Variants in NUP153 observed in about 807,000 individuals in gnomAD.
NUP153 encodes the protein nucleoporin 153, also known as nuclear pore complex protein Nup153.
A neutral mutation model predicts 134.6 loss-of-function variants in NUP153; 27 were observed. The observed-to-expected ratio is 0.20, with a 90% CI of 0.15 to 0.28. The LOEUF (loss-of-function observed/expected upper bound fraction) is 0.28. Among genes scored for constraint, NUP153 ranks in the 10% least tolerant of loss-of-function variants. The pLI is 1.00. For missense variants in NUP153, 1,821 were observed against 1,731.3 expected (o/e 1.05, Z -0.92); for synonymous variants, 640 against 623.5 (o/e 1.03, Z -0.40).
Position 17,635,104 on chromosome 6 carries a change from CTTTTTTTTTTTT to C in NUP153, c.2464+2037_2464+2048del, listed in dbSNP as rs59700511. The stretch of plus-strand genomic sequence containing the variant: ...CCACAGGTTGCACAGCTTGGCTTAT[CTTTTTTTTTTTT>C]TTTTTTTTTTTGAGACGGAGTCTCG... On this transcript the variant is annotated intron_variant, in intron 16 of 21. Coordinates refer to ENST00000262077, the MANE Select transcript of NUP153 (RefSeq NM_005124.4). Among the ~76,000 whole-genome samples, 38 of 104,262 alleles carry C rather than the reference CTTTTTTTTTTTT, an allele frequency of 3.6e-4. No homozygotes were observed. In the South Asian group the frequency reaches 0.011, roughly 31 times the overall value. 68.4% of individuals were successfully genotyped at this position (104,262 alleles called of 152,430 possible).
In NUP153 at chr6:17,631,987, C is replaced by T. The variant is rs182085527; in HGVS notation, c.2659+663G>A. On this transcript the variant is annotated intron_variant, in intron 17 of 21. Transcript: ENST00000262077. ...TCTCAAAAAAAACACAAAAATCTGGCCTCCAGTTAGTTTAGGATTAATTAC... is the reference window on the plus strand; with the variant it reads ...TCTCAAAAAAAACACAAAAATCTGGTCTCCAGTTAGTTTAGGATTAATTAC... Among the ~76,000 whole-genome samples the T allele has an allele frequency of 3.2e-3, 479 of 151,730 alleles. 3 individuals carry two copies. The highest frequency in any genetic ancestry group is 5.6e-3 in the Non-Finnish European group (380 of 67,914).
chr6:17,639,351 T>A (rs1487183285), intron 15 of NUP153, among the ~76,000 whole-genome samples: 1 of 152,126 alleles, frequency 6.6e-6, no homozygotes, highest in Non-Finnish European at 1.5e-5. Flanking sequence ...AGTGCTGGGA[T>A]TACAAGGGTG....
rs1405203300 is a variant in NUP153 at position 17,638,896 on chromosome 6, T to C, written c.1846+1043A>G. On this transcript the variant is annotated intron_variant, in intron 15 of 21. Coordinates refer to ENST00000262077, the MANE Select transcript of NUP153 (RefSeq NM_005124.4). The surrounding 1 kb of genome is among the most constrained non-coding windows in gnomAD (Gnocchi z 4.0). The stretch of plus-strand genomic sequence containing the variant: ...GACTCCTGTAGGCAGTATACTTATC[T>C]ATAAAATGAGAGAGCTGGACCAGAA... 6.6e-6 allele frequency among the ~76,000 whole-genome samples: 1 copy of C among 152,202 alleles called. No individual in the cohort carries two copies.
chr6:17,661,626 C>T, intron 11 of NUP153, 27 bp downstream of exon 11: 1 of 1,599,910 alleles, frequency 6.3e-7, no homozygotes, highest in Non-Finnish European at 8.5e-7. Flanking sequence ...AAATAAACCT[C>T]AAGAGTATAT....
chr6:17,639,934 C>T lies in NUP153; in HGVS notation c.1846+5G>A, dbSNP rs1765748859. On this transcript the variant is annotated splice_donor_5th_base_variant and intron_variant, in intron 15 of 21. Coordinates refer to ENST00000262077, the MANE Select transcript of NUP153 (RefSeq NM_005124.4). ...ATCAAAAGGCTTATCTTTTAATTAT[C>T]TTACCAGGGCTTTTCAGAATATCTA... is the stretch of plus-strand genomic sequence containing the variant. The T allele has an allele frequency of 1.3e-6, 2 of 1,594,130 alleles. No homozygotes were observed. The highest frequency in any genetic ancestry group is 8.5e-7 in the Non-Finnish European group (1 of 1,174,112).
At chr6:17,643,674 A>G (rs979340269) in intron 14 of NUP153, among the ~76,000 whole-genome samples, 9 of 152,198 alleles carry the variant, frequency 5.9e-5, no homozygotes, top group African/African-American at 2.2e-4. Context: ...TCACAAAGTA[A>G]TCATGACTTC....
chr6:17,698,460 C>T (rs1435956826), intron 1 of NUP153, among the ~76,000 whole-genome samples: 7 of 152,002 alleles, frequency 4.6e-5, no homozygotes, highest in Middle Eastern at 3.2e-3. Flanking sequence ...TGGGAGCAGC[C>T]GGGCGTGGTG....
chr6:17,701,082 G>A (rs893371932), intron 1 of NUP153, among the ~76,000 whole-genome samples: 1 of 152,098 alleles, frequency 6.6e-6, no homozygotes, highest in Admixed American at 6.6e-5. Context: ...AAAATTAGCT[G>A]GGAGTGGTGG....
intron 20 of NUP153, among the ~76,000 whole-genome samples, chr6:17,623,417 C>A (rs1244221441): frequency 2.1e-5 from 3 of 141,610 alleles, no homozygotes; most frequent in Non-Finnish European, 4.6e-5. Context: ...TCAAATAGAA[C>A]CCACATATAA....
intron 1 of NUP153, among the ~76,000 whole-genome samples, chr6:17,694,155 A>C (rs1178949551): frequency 6.6e-6 from 1 of 152,190 alleles, no homozygotes; most frequent in Non-Finnish European, 1.5e-5. Flanking sequence ...CATAAGCTCC[A>C]AGAAGGCAGG....
intron 1 of NUP153, among the ~76,000 whole-genome samples, chr6:17,705,310 TAACA>T (rs889651122): frequency 2.0e-5 from 3 of 152,218 alleles, no homozygotes; most frequent in Non-Finnish European, 4.4e-5. Flanking sequence ...TCAATACTTC[TAACA>T]ATCAATATTT....
Position 17,637,716 on chromosome 6 carries a change from G to A in NUP153, c.1901C>T (p.Pro634Leu), listed in dbSNP as rs537877030. The A allele has an allele frequency of 6.2e-7, 1 of 1,607,962 alleles. No individual in the cohort carries two copies. Among genetic ancestry groups the A allele is most frequent in the East Asian group, 2.2e-5 (1 of 44,868 alleles). ...TATTGCTGGTCTTGTATAAACTACT[G>A]GGCTTGTTGCGGTGGGCTGAGCAGC... ...SVAAQPTATS[P>L]VVYTRPAISS... Residue 634 changes from proline (P) to leucine (L), a missense_variant, in exon 16 of 22, where the codon CCA (proline) becomes CTA (leucine). Transcript: ENST00000262077.
In NUP153 at chr6:17,616,890, T is replaced by C. The variant is rs148897027; in HGVS notation, c.4175-195A>G. ...TCAGCCTCCCCAGTAGCTGGGACTA[T>C]ATAGGTGCGTGCCACCATGCCTGGC... On this transcript the variant is annotated intron_variant, in intron 20 of 21. Coordinates refer to ENST00000262077, the MANE Select transcript of NUP153 (RefSeq NM_005124.4). Among the ~76,000 whole-genome samples the C allele has an allele frequency of 3.9e-3, 594 of 152,228 alleles. 5 individuals are homozygous for C. The highest frequency in any genetic ancestry group is 0.013 in the African/African-American group (546 of 41,536).
At chr6:17,618,652 A>G (rs987976755) in intron 20 of NUP153, among the ~76,000 whole-genome samples, 14 of 146,960 alleles carry the variant, frequency 9.5e-5, no homozygotes, top group Non-Finnish European at 1.2e-4. Context: ...TGCAAGCTCC[A>G]CCTCCCGAGT....
chr6:17,693,552 A>G (rs1028733389), intron 1 of NUP153, among the ~76,000 whole-genome samples: 12 of 152,144 alleles, frequency 7.9e-5, no homozygotes, highest in African/African-American at 2.9e-4. Context: ...TATTTATTCC[A>G]TTAACCACCA....
chr6:17,687,025 ATCC>A (rs939546962), intron 2 of NUP153, among the ~76,000 whole-genome samples: 47 of 152,176 alleles, frequency 3.1e-4, no homozygotes, highest in African/African-American at 1.1e-3. Context: ...GTAACAGAAA[ATCC>A]TCCTTATACA....
chr6:17,702,598 C>G (rs1362199627), intron 1 of NUP153, among the ~76,000 whole-genome samples: 1 of 151,840 alleles, frequency 6.6e-6, no homozygotes, highest in South Asian at 2.1e-4. Flanking sequence ...ATAGCTTGAA[C>G]CCAGGAGGCA....
chr6:17,706,648 C>T lies in NUP153; in HGVS notation c.-261G>A, dbSNP rs73369331. ...TCCGGCCGCCTCTGCGGACCCCCGCCTCTGTGTGTGTCACGGTCTCTATGG... is the reference window on the plus strand; with the variant it reads ...TCCGGCCGCCTCTGCGGACCCCCGCTTCTGTGTGTGTCACGGTCTCTATGG... On this transcript the variant is annotated 5_prime_UTR_variant, in exon 1 of 22. Transcript: ENST00000262077. The surrounding 1 kb of genome is among the most constrained non-coding windows in gnomAD (Gnocchi z 5.9). 1.8e-6 allele frequency: 1 copy of T among 548,598 alleles called. No individual in the cohort carries two copies. The highest frequency in any genetic ancestry group is 2.0e-5 in the African/African-American group (1 of 49,576). 34.0% of individuals were successfully genotyped at this position (548,598 alleles called of 1,614,324 possible). A position where few individuals can be genotyped will look rare whatever the true frequency, so the allele number is the denominator to read the frequency against.
intron 13 of NUP153, among the ~76,000 whole-genome samples, 164 bp from the exon 14 acceptor site, chr6:17,646,318 C>T (rs1766176253): frequency 6.6e-6 from 1 of 152,116 alleles, no homozygotes; most frequent in African/African-American, 2.4e-5. Flanking sequence ...CGCCATTCTC[C>T]TGCCTCGGCC....
Sources: allele counts gnomAD v4.1 joint callset (sites outside exome capture counted in the v4.1 genomes callset), GRCh38; gene constraint gnomAD v4.1.1; non-coding constraint Gnocchi (gnomAD v3.1); transcripts MANE v1.5; gene names NCBI Gene and HGNC (gene_info 2026-07-23, HGNC 2026-07-21).